The following CPA5 variants were observed in gnomAD, a reference collection of about 807,000 sequenced individuals.
The protein encoded by CPA5 is carboxypeptidase A5.
Under a neutral mutation model 52.2 loss-of-function variants are expected in CPA5, and 38 were observed. The ratio of observed to expected loss-of-function variants is 0.73; its 90% CI spans 0.56 to 0.95. The LOEUF (loss-of-function observed/expected upper bound fraction) is 0.95. CPA5 is among the 40% of genes least tolerant of loss of function. CPA5 has a pLI of 0.00. For missense variants in CPA5, 519 were observed against 566.7 expected (o/e 0.92, Z 0.86); for synonymous variants, 198 against 213.7 (o/e 0.93, Z 0.64).
chr7:130,352,884 C>A (rs911280928), intron 5 of CPA5, among the ~76,000 whole-genome samples: 2 of 151,446 alleles, frequency 1.3e-5, no homozygotes, highest in Non-Finnish European at 2.9e-5. Flanking sequence ...CATGGAAAAA[C>A]TTCACTTGAG....
intron 5 of CPA5, 37 bp downstream of exon 5, chr7:130,350,146 C>T: frequency 6.3e-7 from 1 of 1,590,616 alleles, no homozygotes. Flanking sequence ...TGCCTTCCGC[C>T]TTCCTTTCTG....
chr7:130,345,011 A>C lies in CPA5; in HGVS notation c.-346A>C, dbSNP rs782757112. On this transcript the variant is annotated 5_prime_UTR_variant, in exon 1 of 13. Coordinates refer to ENST00000474905, the MANE Select transcript of CPA5 (RefSeq NM_080385.5). ...TTTTTTCCTTTTAAATTCCTGAGCTATTGTTTAGCAGTACACCCTTTTATC... is the reference window on the plus strand; with the variant it reads ...TTTTTTCCTTTTAAATTCCTGAGCTCTTGTTTAGCAGTACACCCTTTTATC... The C allele has an allele frequency of 1.3e-5, 2 of 152,172 alleles. No individual in the cohort carries two copies. Among genetic ancestry groups the C allele is most frequent in the Admixed American group, 6.5e-5 (1 of 15,278 alleles). 9.4% of individuals were successfully genotyped at this position (152,172 alleles called of 1,614,324 possible). A position where few individuals can be genotyped will look rare whatever the true frequency, so the allele number is the denominator to read the frequency against.
chr7:130,366,008 G>T (rs556801896), intron 10 of CPA5, among the ~76,000 whole-genome samples: 1 of 152,348 alleles, frequency 6.6e-6, no homozygotes, highest in South Asian at 2.1e-4. Context: ...AACCGAGAAG[G>T]GGCGCGCTCC....
intron 5 of CPA5, among the ~76,000 whole-genome samples, chr7:130,354,801 C>T (rs905356822): frequency 5.3e-5 from 8 of 151,980 alleles, no homozygotes; most frequent in Non-Finnish European, 8.8e-5. Flanking sequence ...ACAGTCATAG[C>T]GTACTGCAGC....
chr7:130,346,016 T>C (rs4728193), intron 2 of CPA5, 120 bp downstream of exon 2: 91,149 of 152,364 alleles, frequency 0.6, 27,447 homozygotes, highest in African/African-American at 0.64. Context: ...TGTCTCTAAG[T>C]CCAGCGGTGT....
chr7:130,370,779 C>T (rs74389173), downstream of CPA5, among the ~76,000 whole-genome samples: 3,161 of 152,334 alleles, frequency 0.021, 50 homozygotes, highest in Non-Finnish European at 0.032. Context: ...CATCTCCAGA[C>T]CGAATTAGAA....
intron 6 of CPA5, 91 bp downstream of exon 6, chr7:130,359,778 G>C: frequency 1.2e-6 from 1 of 820,292 alleles, no homozygotes; most frequent in East Asian, 2.7e-5. Context: ...AAGGACTCCA[G>C]GGTTTATGGG....
intron 10 of CPA5, among the ~76,000 whole-genome samples, chr7:130,365,807 T>G (rs928938928): frequency 1.3e-5 from 2 of 152,210 alleles, no homozygotes; most frequent in Non-Finnish European, 2.9e-5. Flanking sequence ...GCCTTCAACC[T>G]CCCCCCGCTC....
downstream of CPA5, among the ~76,000 whole-genome samples, chr7:130,372,217 C>T (rs1356805550): frequency 2.6e-5 from 4 of 152,232 alleles, no homozygotes; most frequent in Admixed American, 1.3e-4. Flanking sequence ...TCACCCCCAT[C>T]ATGTGCGAGC....
At chr7:130,350,966 A>G (rs1467985325) in intron 5 of CPA5, among the ~76,000 whole-genome samples, 1 of 152,196 alleles carries the variant, frequency 6.6e-6, no homozygotes, top group African/African-American at 2.4e-5. Flanking sequence ...ATAAAGATTC[A>G]TTCCCAACCT....
intron 5 of CPA5, among the ~76,000 whole-genome samples, chr7:130,350,809 A>C (rs1055478669): frequency 1.3e-5 from 2 of 152,194 alleles, no homozygotes; most frequent in Non-Finnish European, 2.9e-5. Flanking sequence ...TCTATTTTCC[A>C]GTATATCCTA....
Position 130,365,108 on chromosome 7 carries a change from T to G in CPA5, c.838+1599T>G, listed in dbSNP as rs188228034. 3.4e-3 allele frequency among the ~76,000 whole-genome samples: 512 copies of G among 152,326 alleles called. 2 individuals are homozygous for G. The highest frequency in any genetic ancestry group is 0.012 in the South Asian group (58 of 4,826). On this transcript the variant is annotated intron_variant, in intron 10 of 12. Coordinates refer to ENST00000474905, the MANE Select transcript of CPA5 (RefSeq NM_080385.5). ...TGCCCATTGCTTTTAAAATCTGGCT[T>G]CTTGGGGTCTGTTCTCACTGAAAAA...
intron 5 of CPA5, among the ~76,000 whole-genome samples, chr7:130,354,834 A>G (rs1319791240): frequency 6.6e-6 from 1 of 152,050 alleles, no homozygotes; most frequent in African/African-American, 2.4e-5. Context: ...GGCTCAAGAG[A>G]TCCTCCTGCC....
chr7:130,370,385 A>G (rs1796283498), downstream of CPA5, among the ~76,000 whole-genome samples: 1 of 152,150 alleles, frequency 6.6e-6, no homozygotes, highest in Non-Finnish European at 1.5e-5. Flanking sequence ...TTTCCAACCC[A>G]AAGTTTTCTG....
intron 4 of CPA5, 90 bp downstream of exon 4, chr7:130,347,937 CCT>C: frequency 1.0e-6 from 1 of 982,952 alleles, no homozygotes; most frequent in Non-Finnish European, 1.6e-6. Flanking sequence ...TTATCCCAAA[CCT>C]GCCCTCCTGA....
intron 7 of CPA5, among the ~76,000 whole-genome samples, chr7:130,361,515 G>T (rs1331068997): frequency 1.3e-5 from 2 of 152,132 alleles, no homozygotes; most frequent in African/African-American, 4.8e-5. Flanking sequence ...ATTGGCAGTT[G>T]TCACCCTGGA....
chr7:130,350,626 C>G (rs548247009), intron 5 of CPA5, among the ~76,000 whole-genome samples: 6 of 152,200 alleles, frequency 3.9e-5, no homozygotes, highest in African/African-American at 9.7e-5. Flanking sequence ...CCGCTTGGCT[C>G]TCCGCACGGG....
At chr7:130,347,984 A>C in intron 4 of CPA5, 137 bp downstream of exon 4, 2 of 647,628 alleles carry the variant, frequency 3.1e-6, no homozygotes. Flanking sequence ...GTGGGAAATC[A>C]CACGTGGCTC....
intron 10 of CPA5, among the ~76,000 whole-genome samples, chr7:130,364,020 CT>C (rs1337154236): frequency 1.3e-5 from 2 of 151,930 alleles, no homozygotes; most frequent in South Asian, 2.1e-4. Flanking sequence ...GAATTAACCA[CT>C]TTTTTTTCTT....
Sources: allele counts gnomAD v4.1 joint callset (sites outside exome capture counted in the v4.1 genomes callset), GRCh38; gene constraint gnomAD v4.1.1; transcripts MANE v1.5; gene names NCBI Gene and HGNC (gene_info 2026-07-23, HGNC 2026-07-21).